RFX4: variants seen among roughly 807,000 people sequenced by gnomAD.
The protein encoded by RFX4 is regulatory factor X4, also known as transcription factor RFX4.
RFX4 carries 10 observed loss-of-function variants against 95.0 expected under a neutral mutation model. That is an observed-to-expected ratio of 0.11 (90% CI 0.06 to 0.18). RFX4 has a LOEUF of 0.18. Ranked by LOEUF, RFX4 falls within the 10% of genes least tolerant of loss-of-function variation. The probability of loss-of-function intolerance (pLI) is 1.00; values close to 1 mark genes in which losing one functional copy is unlikely to be tolerated. For synonymous variants in RFX4, 321 were observed against 340.7 expected (o/e 0.94, Z 0.64); for missense variants, 640 against 922.0 (o/e 0.69, Z 3.96).
At chr12:106,730,827 C>A (rs1394565540) in intron 13 of RFX4, among the ~76,000 whole-genome samples, 2 of 152,078 alleles carry the variant, frequency 1.3e-5, no homozygotes, top group Admixed American at 1.3e-4. Context: ...ATGGCGAAAC[C>A]CATCTCTACT....
At chr12:106,707,475 G>A (rs1189795057) in intron 8 of RFX4, among the ~76,000 whole-genome samples, 1 of 152,128 alleles carries the variant, frequency 6.6e-6, no homozygotes, top group Non-Finnish European at 1.5e-5. Flanking sequence ...GAGGGCAGGA[G>A]TTTTGTGACT....
chr12:106,709,188 C>A, intron 8 of RFX4, 142 bp from the exon 9 acceptor site: 1 of 676,256 alleles, frequency 1.5e-6, no homozygotes, highest in Non-Finnish European at 2.6e-6. Context: ...GGACTGTTGG[C>A]ACTGTCTCTG....
At chr12:106,751,788 G>A (rs543357274) in intron 17 of RFX4, among the ~76,000 whole-genome samples, 23 of 152,130 alleles carry the variant, frequency 1.5e-4, no homozygotes, top group Admixed American at 1.1e-3. Flanking sequence ...GGGGTTGTTC[G>A]TTTTTTTCTT....
intron 8 of RFX4, among the ~76,000 whole-genome samples, chr12:106,699,843 T>G (rs1367840577): frequency 6.6e-6 from 1 of 152,124 alleles, no homozygotes; most frequent in Non-Finnish European, 1.5e-5. Context: ...GCAATTTTCC[T>G]TTTTAGTTGG....
intron 17 of RFX4, among the ~76,000 whole-genome samples, chr12:106,759,414 G>A (rs2043170665): frequency 6.6e-6 from 1 of 152,200 alleles, no homozygotes; most frequent in African/African-American, 2.4e-5. Context: ...ACCAGGTGGG[G>A]CAAGCAACCT....
At position 106,707,995 on chromosome 12, in the gene RFX4, G is replaced by A. The variant is rs545128009; in HGVS notation, c.834-1335G>A. Among the ~76,000 whole-genome samples, 9 of 152,240 alleles carry A rather than the reference G, an allele frequency of 5.9e-5. No individual in the cohort carries two copies. The East Asian group carries it at 7.7e-4, about 13-fold the overall frequency. On this transcript the variant is annotated intron_variant, in intron 8 of 17. Transcript: ENST00000392842. The stretch of plus-strand genomic sequence containing the variant: ...TAAAAAGACAAAAAATTAGCTGAGC[G>A]TGGTGGTGTGTGTCTGTAATCCCAG...
At chr12:106,648,346 GA>G (rs2040789967) in intron 3 of RFX4, among the ~76,000 whole-genome samples, 1 of 152,194 alleles carries the variant, frequency 6.6e-6, no homozygotes. Flanking sequence ...TGGCTGGAAA[GA>G]GGTATACGTG....
chr12:106,599,135 T>C (rs1219455929), intron 1 of RFX4, among the ~76,000 whole-genome samples: 1 of 152,028 alleles, frequency 6.6e-6, no homozygotes, highest in Non-Finnish European at 1.5e-5. Flanking sequence ...ACAAACGGCA[T>C]TTGTGCATCG....
At chr12:106,639,227 A>G (rs2040570252) in intron 2 of RFX4, 105 bp from the exon 3 acceptor site, 3 of 925,078 alleles carry the variant, frequency 3.2e-6, no homozygotes, top group Admixed American at 5.2e-5. Flanking sequence ...AAGCATCAAC[A>G]TTTCAAAGAA....
intron 2 of RFX4, among the ~76,000 whole-genome samples, chr12:106,614,806 G>A (rs969762270): frequency 1.3e-5 from 2 of 152,138 alleles, no homozygotes; most frequent in Non-Finnish European, 2.9e-5. Flanking sequence ...ACCACGCCTG[G>A]CCGCCTGTGT....
chr12:106,660,871 A>C (rs143622269), intron 4 of RFX4, among the ~76,000 whole-genome samples: 108 of 152,268 alleles, frequency 7.1e-4, no homozygotes, highest in African/African-American at 2.6e-3. Flanking sequence ...TTCCTTATGA[A>C]AATCTAATGC....
intron 5 of RFX4, among the ~76,000 whole-genome samples, chr12:106,685,359 TACTC>T (rs2041622479): frequency 6.6e-6 from 1 of 152,210 alleles, no homozygotes; most frequent in African/African-American, 2.4e-5. Flanking sequence ...CTCTGCTCCT[TACTC>T]ACTGGCTGAT....
intron 3 of RFX4, among the ~76,000 whole-genome samples, chr12:106,648,625 G>T (rs767156613): frequency 1.2e-3 from 178 of 146,258 alleles, no homozygotes; most frequent in Middle Eastern, 0.01. Context: ...AATCCTGTGG[G>T]GTTTTTTTTT....
At position 106,680,269 on chromosome 12, in the gene RFX4, T is replaced by C. The variant is rs114097838; in HGVS notation, c.316-1724T>C. ...ACTGGAGGTGGTCAGCTCCCCAGTGTAGAGAAATGGTCAGTCTTCAAGGTT... is the reference window on the plus strand; with the variant it reads ...ACTGGAGGTGGTCAGCTCCCCAGTGCAGAGAAATGGTCAGTCTTCAAGGTT... On this transcript the variant is annotated intron_variant, in intron 4 of 17. Coordinates refer to ENST00000392842, the MANE Select transcript of RFX4 (RefSeq NM_213594.3). 8.3e-3 allele frequency among the ~76,000 whole-genome samples: 1,267 copies of C among 152,318 alleles called. 25 individuals are homozygous for C. Among genetic ancestry groups the C allele is most frequent in the African/African-American group, 0.029 (1,209 of 41,578 alleles).
chr12:106,619,270 G>C (rs2040132099), intron 2 of RFX4, among the ~76,000 whole-genome samples: 1 of 152,018 alleles, frequency 6.6e-6, no homozygotes, highest in South Asian at 2.1e-4. Context: ...TTATCATACT[G>C]TGTAGTATAC....
chr12:106,636,400 A>G (rs1208036975), intron 2 of RFX4, among the ~76,000 whole-genome samples: 1 of 151,646 alleles, frequency 6.6e-6, no homozygotes, highest in Non-Finnish European at 1.5e-5. Flanking sequence ...CAAAAAAAAA[A>G]AAAAAAAGAA....
chr12:106,650,245 T>C (rs1477164830), intron 3 of RFX4, among the ~76,000 whole-genome samples: 5 of 152,220 alleles, frequency 3.3e-5, no homozygotes, highest in Non-Finnish European at 4.4e-5. Context: ...TTCATGGATT[T>C]TTTTTTAGCC....
At chr12:106,738,928 T>C (rs1850202828) in intron 15 of RFX4, among the ~76,000 whole-genome samples, 1 of 152,246 alleles carries the variant, frequency 6.6e-6, no homozygotes, top group Non-Finnish European at 1.5e-5. Context: ...AAAACAATTA[T>C]GTAAATCTTA....
At chr12:106,592,001 C>T (rs2039554493) in intron 1 of RFX4, among the ~76,000 whole-genome samples, 1 of 152,124 alleles carries the variant, frequency 6.6e-6, no homozygotes, top group South Asian at 2.1e-4. Context: ...CCTCAGTTTC[C>T]TTCTTTGTGA....
Sources: gnomAD v4.1 joint callset for allele counts (sites outside exome capture counted in the v4.1 genomes callset) on GRCh38, gnomAD v4.1.1 for gene constraint, MANE v1.5 for transcripts, NCBI Gene and HGNC (gene_info 2026-07-23, HGNC 2026-07-21) for gene names.